Variants in TGFBR3L observed in about 807,000 individuals in gnomAD.
TGFBR3L encodes the protein transforming growth factor-beta receptor type 3-like protein.
Under a neutral mutation model 20.4 loss-of-function variants are expected in TGFBR3L, and 21 were observed. The ratio of observed to expected loss-of-function variants is 1.03; its 90% CI spans 0.73 to 1.48. TGFBR3L has a LOEUF of 1.48. Ranked by LOEUF, TGFBR3L falls within the 40% of genes most tolerant of loss-of-function variation. The pLI, the probability that TGFBR3L is intolerant of heterozygous loss-of-function variation, is 0.00. For missense variants in TGFBR3L, 479 were observed against 498.0 expected (o/e 0.96, Z 0.36); for synonymous variants, 245 against 244.2 (o/e 1.00, Z -0.03).
Position 7,917,436 on chromosome 19 carries a change from G to A in TGFBR3L, c.598-37G>A, listed in dbSNP as rs749198536. Reference sequence around the variant, plus strand: ...ACCAGAGCCACGATCCCGGTGCCCTGATGTCCCCGTCTCTTCCCCACCTTC... The same window carrying A: ...ACCAGAGCCACGATCCCGGTGCCCTAATGTCCCCGTCTCTTCCCCACCTTC... On this transcript the variant is annotated intron_variant, in intron 2 of 5. Coordinates refer to ENST00000565886, the MANE Select transcript of TGFBR3L (RefSeq NM_001195259.2). 11 of 1,516,634 alleles carry A rather than the reference G, an allele frequency of 7.3e-6. No homozygotes were observed. In the African/African-American group the frequency reaches 1.1e-4, roughly 15 times the overall value. 93.9% of individuals were successfully genotyped at this position (1,516,634 alleles called of 1,614,324 possible). A position where few individuals can be genotyped will look rare whatever the true frequency, so the allele number is the denominator to read the frequency against.
chr19:7,916,982 C>A, intron 2 of TGFBR3L, 40 bp downstream of exon 3: 2 of 1,268,772 alleles, frequency 1.6e-6, no homozygotes, highest in Non-Finnish European at 2.0e-6. Flanking sequence ...CGCTGGGGCC[C>A]TTCGGGGGCT....
chr19:7,918,260 G>T (rs746950470), intron 5 of TGFBR3L, 131 bp downstream of exon 6: 18 of 1,167,596 alleles, frequency 1.5e-5, no homozygotes, highest in Non-Finnish European at 2.2e-5. Flanking sequence ...TTTTGAGACG[G>T]AGTTTCGCTC....
At position 7,915,606 on chromosome 19, in the gene TGFBR3L, C is replaced by G. The variant is rs532309486; in HGVS notation, c.-662C>G. 5.9e-5 allele frequency among the ~76,000 whole-genome samples: 9 copies of G among 152,212 alleles called. No homozygotes were observed. The East Asian group carries it at 1.2e-3, about 20-fold the overall frequency. On this transcript the variant is annotated 5_prime_UTR_variant, in exon 1 of 6. Coordinates refer to ENST00000565886, the MANE Select transcript of TGFBR3L (RefSeq NM_001195259.2). ...CATAGACCCCGTATGGCCGTGGTAGCGAGTGGCTGTGGTCATAGCTACTCG... is the reference window on the plus strand; with the variant it reads ...CATAGACCCCGTATGGCCGTGGTAGGGAGTGGCTGTGGTCATAGCTACTCG...
chr19:7,917,776 C>A lies in TGFBR3L; in HGVS notation c.800C>A (p.Ala267Glu). 6.9e-7 allele frequency: 1 copy of A among 1,441,082 alleles called. No homozygotes were observed. The highest frequency in any genetic ancestry group is 9.1e-7 in the Non-Finnish European group (1 of 1,104,928). The allele number at this position is 1,441,082 out of a possible 1,614,324, so 89.3% of individuals were successfully genotyped here. ...CCGGCCCCCGCGGCCCTGGAACCCG[C>A]GCCGGTGGTGGCGCTGGTGTTGGCA... Residue 267 changes from alanine to glutamate, a missense_variant, in exon 4 of 6, where the codon GCG (alanine) becomes GAG (glutamate). Coordinates refer to ENST00000565886, the MANE Select transcript of TGFBR3L (RefSeq NM_001195259.2).
chr19:7,916,951 G>C lies in TGFBR3L; in HGVS notation c.597+9G>C. Reference sequence around the variant, plus strand: ...CGCCGCCGCCATCGCGGGTGCGCGGGCGCAGAGCCTGGAATCCGGGCGCTG... The same window carrying C: ...CGCCGCCGCCATCGCGGGTGCGCGGCCGCAGAGCCTGGAATCCGGGCGCTG... On this transcript the variant is annotated intron_variant, in intron 2 of 5. Coordinates refer to ENST00000565886, the MANE Select transcript of TGFBR3L (RefSeq NM_001195259.2). 1 of 1,282,206 alleles carries C rather than the reference G, an allele frequency of 7.8e-7. No individual in the cohort carries two copies. Among genetic ancestry groups the C allele is most frequent in the Non-Finnish European group, 9.8e-7 (1 of 1,022,356 alleles). 79.4% of individuals were successfully genotyped at this position (1,282,206 alleles called of 1,614,324 possible).
rs1209728266 is a variant in TGFBR3L at position 7,915,141 on chromosome 19, ATTG to A, written c.-1122_-1120del. Among the ~76,000 whole-genome samples the A allele has an allele frequency of 7.2e-5, 11 of 152,020 alleles. No homozygotes were observed. The highest frequency in any genetic ancestry group is 5.8e-4 in the East Asian group (3 of 5,178). Reference sequence around the variant, plus strand: ...AGGCACGCACCACCACGCCTGGCTAATTGTTGTATTTTTAGTAGAGACAGCGTT... The same window carrying A: ...AGGCACGCACCACCACGCCTGGCTAATTGTATTTTTAGTAGAGACAGCGTT... On this transcript the variant is annotated 5_prime_UTR_variant, in exon 1 of 6. Coordinates refer to ENST00000565886, the MANE Select transcript of TGFBR3L (RefSeq NM_001195259.2).
rs1274841108 is a variant in TGFBR3L, at chr19:7,916,762, G to A, written c.417G>A (p.Pro139=). 1.3e-6 allele frequency: 2 copies of A among 1,488,026 alleles called. No homozygotes were observed. Among genetic ancestry groups the A allele is most frequent in the Admixed American group, 2.2e-5 (1 of 46,010 alleles). 92.2% of individuals were successfully genotyped at this position (1,488,026 alleles called of 1,614,324 possible). A position where few individuals can be genotyped will look rare whatever the true frequency, so the allele number is the denominator to read the frequency against. Residue 139 remains proline (P), a synonymous_variant, in exon 2 of 6, where the codon CCG becomes CCA. Coordinates refer to ENST00000565886, the MANE Select transcript of TGFBR3L (RefSeq NM_001195259.2). Reference sequence around the variant, plus strand: ...CCGCCGACACCTCTGTCGCCTTCCCGCCACCGCCGCCGCCGAGCCCGGGTG... The same window carrying A: ...CCGCCGACACCTCTGTCGCCTTCCCACCACCGCCGCCGCCGAGCCCGGGTG...
At chr19:7,917,903 C>A (rs1315996630) in intron 4 of TGFBR3L, 44 bp downstream of exon 5, 1 of 1,379,852 alleles carries the variant, frequency 7.2e-7, no homozygotes, top group Admixed American at 3.4e-5. Flanking sequence ...TCTAATCCCG[C>A]GCGTCGGGAC....
chr19:7,918,809 A>T (rs577758023), intron 5 of TGFBR3L, 108 bp from the exon 7 acceptor site: 58 of 397,104 alleles, frequency 1.5e-4, no homozygotes, highest in South Asian at 2.7e-4. Flanking sequence ...CCCGGCTCCC[A>T]CTCTCACCCC....
In TGFBR3L at chr19:7,916,221, C is replaced by G. The variant is rs1188104455; in HGVS notation, c.-47C>G. 2 of 1,513,548 alleles carry G rather than the reference C, an allele frequency of 1.3e-6. No individual in the cohort carries two copies. Among genetic ancestry groups the G allele is most frequent in the Admixed American group, 4.0e-5 (2 of 49,900 alleles). The allele number at this position is 1,513,548 out of a possible 1,614,324, so 93.8% of individuals were successfully genotyped here. A position where few individuals can be genotyped will look rare whatever the true frequency, so the allele number is the denominator to read the frequency against. On this transcript the variant is annotated 5_prime_UTR_variant, in exon 1 of 6. Coordinates refer to ENST00000565886, the MANE Select transcript of TGFBR3L (RefSeq NM_001195259.2). ...TGGGCTGTGCGAGTCCCAGGGGTCG[C>G]CAGGGGGCACATCACCGTCAGGGGG...
rs926624441 is a variant in TGFBR3L at position 7,915,759 on chromosome 19, T to G, written c.-509T>G. 2.0e-5 allele frequency among the ~76,000 whole-genome samples: 3 copies of G among 152,092 alleles called. No homozygotes were observed. The highest frequency in any genetic ancestry group is 2.0e-4 in the Admixed American group (3 of 15,268). ...TCTCAGAAAACAAGAAAAATGGATG[T>G]GCAGGCAATCTTTCGTATTTGGAGA... is the stretch of plus-strand genomic sequence containing the variant. On this transcript the variant is annotated 5_prime_UTR_variant, in exon 1 of 6. Transcript: ENST00000565886.
At position 7,918,075 on chromosome 19, in the gene TGFBR3L, C is replaced by G; in HGVS notation, c.902C>G (p.Pro301Arg). 1.3e-6 allele frequency: 2 copies of G among 1,535,758 alleles called. No individual in the cohort carries two copies. The highest frequency in any genetic ancestry group is 1.7e-6 in the Non-Finnish European group (2 of 1,146,724). ...CTTCCAGCGCCCCACGCCCCTGGCC[C>G]GCCCGCGAGAGCCTCGCCCAGCGGT... The change falls in exon 5 of 6, where the codon CCG (proline) becomes CGG (arginine). Residue 301 changes from proline to arginine, a missense_variant. Pro to Arg is a moderately radical substitution (Grantham distance 103). Transcript: ENST00000565886.
chr19:7,918,156 G>T lies in TGFBR3L; in HGVS notation c.*5+27G>T, dbSNP rs1458539698. The T allele has an allele frequency of 3.9e-6, 6 of 1,533,716 alleles. No homozygotes were observed. The African/African-American group carries it at 5.5e-5, about 14-fold the overall frequency. The stretch of plus-strand genomic sequence containing the variant: ...TAGGTATGGAGGTGGAGGGAGCTGG[G>T]TGAGGTAGGAGATCTGACAGTGACG... On this transcript the variant is annotated intron_variant, in intron 5 of 5. Coordinates refer to ENST00000565886, the MANE Select transcript of TGFBR3L (RefSeq NM_001195259.2).
At chr19:7,918,162 T>C (rs766965022) in intron 5 of TGFBR3L, 33 bp downstream of exon 6, 1 of 1,529,756 alleles carries the variant, frequency 6.5e-7, no homozygotes, top group South Asian at 1.2e-5. Flanking sequence ...CTGGGTGAGG[T>C]AGGAGATCTG....
rs1169644422 is a variant in TGFBR3L at position 7,915,994 on chromosome 19, A to C, written c.-274A>C. On this transcript the variant is annotated 5_prime_UTR_variant, in exon 1 of 6. Transcript: ENST00000565886. ...ACTTCCCTTCCTCGTTGGTGACAGC[A>C]CCTATCTCCCCTTAGAAAGGGGAGC... Among the ~76,000 whole-genome samples, 1 of 151,988 alleles carries C rather than the reference A, an allele frequency of 6.6e-6. No individual in the cohort carries two copies. The highest frequency in any genetic ancestry group is 1.5e-5 in the Non-Finnish European group (1 of 67,966).
intron 5 of TGFBR3L, 116 bp downstream of exon 6, chr19:7,918,245 TTG>T (rs1983410034): frequency 3.1e-6 from 4 of 1,279,776 alleles, no homozygotes; most frequent in African/African-American, 1.5e-5. Context: ...GTTTGTTTGT[TTG>T]TTTTTTGAGA....
At position 7,918,091 on chromosome 19, in the gene TGFBR3L, G is replaced by A. The variant is rs1283842389; in HGVS notation, c.918G>A (p.Ser306=). ...CCCCTGGCCCGCCCGCGAGAGCCTC[G>A]CCCAGCGGTCCCCAGCCCAGGAGGT... The change falls in exon 5 of 6, where the codon TCG becomes TCA. Residue 306 remains serine (S), a synonymous_variant. Coordinates refer to ENST00000565886, the MANE Select transcript of TGFBR3L (RefSeq NM_001195259.2). The A allele has an allele frequency of 6.5e-7, 1 of 1,534,896 alleles. No homozygotes were observed. The highest frequency in any genetic ancestry group is 8.7e-7 in the Non-Finnish European group (1 of 1,146,126).
In TGFBR3L at chr19:7,916,887, G is replaced by T; in HGVS notation, c.542G>T (p.Gly181Val). Residue 181 changes from glycine (G) to valine (V), a missense_variant, in exon 2 of 6, where the codon GGA becomes GTA. Transcript: ENST00000565886. ...CTGAGCCGCTGCCGCCGCCTCCGGG[G>T]AGTCCGCCGGGCGCCTGCGCCTCTG... is the stretch of plus-strand genomic sequence containing the variant. 1.5e-6 allele frequency: 2 copies of T among 1,353,316 alleles called. No homozygotes were observed. Among genetic ancestry groups the T allele is most frequent in the African/African-American group, 1.5e-5 (1 of 65,842 alleles). 83.8% of individuals were successfully genotyped at this position (1,353,316 alleles called of 1,614,324 possible). A position where few individuals can be genotyped will look rare whatever the true frequency, so the allele number is the denominator to read the frequency against.
chr19:7,918,135 T>TA lies in TGFBR3L; in HGVS notation c.*5+7dup, dbSNP rs1428053251. Reference sequence around the variant, plus strand: ...AGGAGGTCCCAGTGAGGAAGGTAGGTATGGAGGTGGAGGGAGCTGGGTGAG... The same window carrying TA: ...AGGAGGTCCCAGTGAGGAAGGTAGGTAATGGAGGTGGAGGGAGCTGGGTGAG... On this transcript the variant is annotated splice_region_variant and intron_variant, in intron 5 of 5. Transcript: ENST00000565886. The TA allele has an allele frequency of 1.4e-5, 22 of 1,534,918 alleles. No homozygotes were observed. Among genetic ancestry groups the TA allele is most frequent in the Admixed American group, 2.0e-5 (1 of 50,972 alleles).
Sources: gnomAD v4.1 joint callset for allele counts (sites outside exome capture counted in the v4.1 genomes callset) on GRCh38, gnomAD v4.1.1 for gene constraint, MANE v1.5 for transcripts, NCBI Gene and HGNC (gene_info 2026-07-23, HGNC 2026-07-21) for gene names.